Variants in B4GALNT3 observed in about 807,000 individuals in gnomAD.
The protein encoded by B4GALNT3 is beta-1,4-N-acetylgalactosaminyltransferase 3.
A neutral mutation model predicts 120.2 loss-of-function variants in B4GALNT3; 86 were observed. The ratio of observed to expected loss-of-function variants is 0.72; its 90% CI spans 0.60 to 0.86. B4GALNT3 has a LOEUF of 0.86. Ranked by LOEUF, B4GALNT3 falls within the 40% of genes least tolerant of loss-of-function variation. The pLI is 0.00. For missense variants in B4GALNT3, 1,167 were observed against 1,298.9 expected (o/e 0.90, Z 1.56); for synonymous variants, 518 against 510.4 (o/e 1.01, Z -0.20).
At chr12:552,645 C>G in intron 13 of B4GALNT3, 117 bp downstream of exon 13, 1 of 921,362 alleles carries the variant, frequency 1.1e-6, no homozygotes, top group Non-Finnish European at 1.7e-6. Flanking sequence ...ATCCAAATCA[C>G]GTGACCTCTC....
intron 1 of B4GALNT3, among the ~76,000 whole-genome samples, chr12:487,580 G>A (rs1946301455): frequency 6.6e-6 from 1 of 152,132 alleles, no homozygotes; most frequent in African/African-American, 2.4e-5. Flanking sequence ...CGGTGTAGTG[G>A]CGCATGCCTG....
chr12:477,467 A>C (rs953899545), intron 1 of B4GALNT3, among the ~76,000 whole-genome samples: 2 of 152,182 alleles, frequency 1.3e-5, no homozygotes, highest in Non-Finnish European at 2.9e-5. Context: ...CCTGCAAAGA[A>C]GTTATTGTTG....
At chr12:531,027 A>C (rs189040543) in intron 1 of B4GALNT3, among the ~76,000 whole-genome samples, 10 of 152,296 alleles carry the variant, frequency 6.6e-5, no homozygotes, top group Admixed American at 6.5e-4. Flanking sequence ...TCTGGCTAGG[A>C]GCAGGAGGAG....
chr12:561,247 C>T (rs950378422), intron 19 of B4GALNT3, 96 bp from the exon 20 acceptor site: 40 of 893,040 alleles, frequency 4.5e-5, no homozygotes, highest in African/African-American at 2.6e-4. Context: ...TTCCCTGCCC[C>T]GTGGGGAGCG....
At chr12:490,640 G>C (rs1399021197) in intron 1 of B4GALNT3, among the ~76,000 whole-genome samples, 1 of 152,004 alleles carries the variant, frequency 6.6e-6, no homozygotes, top group Non-Finnish European at 1.5e-5. Flanking sequence ...TGAGGCTGGA[G>C]GATCATTTGA....
At chr12:492,949 T>C (rs1411904577) in intron 1 of B4GALNT3, among the ~76,000 whole-genome samples, 1 of 150,500 alleles carries the variant, frequency 6.6e-6, no homozygotes, top group Admixed American at 6.6e-5. Flanking sequence ...AAAAATCAAC[T>C]CAAAGACCTA....
At chr12:534,364 C>T (rs548477012) in intron 1 of B4GALNT3, among the ~76,000 whole-genome samples, 1 of 152,124 alleles carries the variant, frequency 6.6e-6, no homozygotes, top group African/African-American at 2.4e-5. Context: ...TCCCAGCCCT[C>T]GGGAGTGTCA....
intron 1 of B4GALNT3, among the ~76,000 whole-genome samples, chr12:487,280 A>G (rs1040380049): frequency 1.3e-5 from 2 of 152,258 alleles, no homozygotes; most frequent in African/African-American, 4.8e-5. Context: ...AGCAACTGAC[A>G]GTTTTCCCCA....
At chr12:553,169 G>T in intron 13 of B4GALNT3, 25 bp from the exon 14 acceptor site, 1 of 1,604,390 alleles carries the variant, frequency 6.2e-7, no homozygotes, top group South Asian at 1.1e-5. Context: ...CTCTTGACAT[G>T]AGGAATGGTT....
intron 1 of B4GALNT3, among the ~76,000 whole-genome samples, chr12:505,472 GCCATTTGAACCCTGAT>G (rs1485496352): frequency 2.0e-5 from 3 of 152,210 alleles, no homozygotes; most frequent in African/African-American, 7.2e-5. Flanking sequence ...CGTCTGCCCA[GCCATTTGAACCCTGAT>G]CCATCTTGGA....
At chr12:507,722 C>G (rs534728488) in intron 1 of B4GALNT3, among the ~76,000 whole-genome samples, 8 of 152,354 alleles carry the variant, frequency 5.3e-5, no homozygotes, top group Admixed American at 2.0e-4. Context: ...AAGAAAAGCA[C>G]TAGGTAGCAG....
intron 1 of B4GALNT3, among the ~76,000 whole-genome samples, chr12:481,757 C>T (rs1946245607): frequency 6.6e-6 from 1 of 152,166 alleles, no homozygotes; most frequent in African/African-American, 2.4e-5. Context: ...GAGCCCTGGA[C>T]ACAGCGCTCC....
chr12:516,777 G>A (rs1027110771), intron 1 of B4GALNT3, among the ~76,000 whole-genome samples: 3 of 152,286 alleles, frequency 2.0e-5, no homozygotes, highest in South Asian at 4.1e-4. Context: ...AGTTCCTCTG[G>A]CTACTAGACC....
rs1192011440 is a variant in B4GALNT3, at chr12:492,740, C to G, written c.169+32195C>G. Among the ~76,000 whole-genome samples, 4 of 152,056 alleles carry G rather than the reference C, an allele frequency of 2.6e-5. No individual in the cohort carries two copies. The East Asian group carries it at 7.7e-4, about 29-fold the overall frequency. ...GTACGGAGCTACAGTAATGAAGACA[C>G]TGTTATATTGGCAAAAGAATGGATA... On this transcript the variant is annotated intron_variant, in intron 1 of 19. Transcript: ENST00000266383.
rs1946100066 is a variant in B4GALNT3, at chr12:468,161, A to C, written c.169+7616A>C. Among the ~76,000 whole-genome samples, 3 of 152,210 alleles carry C rather than the reference A, an allele frequency of 2.0e-5. No individual in the cohort carries two copies. The South Asian group carries it at 6.2e-4, about 32-fold the overall frequency. On this transcript the variant is annotated intron_variant, in intron 1 of 19. Coordinates refer to ENST00000266383, the MANE Select transcript of B4GALNT3 (RefSeq NM_173593.4). ...AATCAAGGCATAAAATAAATCAACA[A>C]AAGTGCTATGGTATACATACAAATA...
intron 1 of B4GALNT3, among the ~76,000 whole-genome samples, chr12:511,292 GACCTTCCACCTTCC>G (rs111691445): frequency 3.1e-5 from 1 of 32,212 alleles, no homozygotes; most frequent in African/African-American, 2.4e-4. Context: ...TTCCACCTTC[GACCTTCCACCTTCC>G]ACCTTCCGCC....
intron 1 of B4GALNT3, among the ~76,000 whole-genome samples, chr12:534,618 G>A (rs371017077): frequency 6.6e-6 from 1 of 152,164 alleles, no homozygotes; most frequent in East Asian, 1.9e-4. Flanking sequence ...CTCTGATCTT[G>A]TATCTCCAGT....
rs117422639 is a variant in B4GALNT3 at position 550,611 on chromosome 12, C to T, written c.998-311C>T. Among the ~76,000 whole-genome samples the T allele has an allele frequency of 3.9e-5, 6 of 152,322 alleles. No homozygotes were observed. Among genetic ancestry groups the T allele is most frequent in the East Asian group, 3.9e-4 (2 of 5,192 alleles). ...AGGAAATCCAGTTATCGGTACTGTA[C>T]GAGGGAGGGGACCTTCTGGCCTCTT... On this transcript the variant is annotated intron_variant, in intron 10 of 19. Transcript: ENST00000266383. This position sits in a 1 kb window ranked among gnomAD's most constrained non-coding sequence, Gnocchi z 4.1.
chr12:543,266 C>T (rs1946940917), intron 3 of B4GALNT3: 1 of 1,193,182 alleles, frequency 8.4e-7, no homozygotes, highest in Non-Finnish European at 1.1e-6. Flanking sequence ...CGGACCCGCA[C>T]AGTGAGAGGA....
Sources: allele counts gnomAD v4.1 joint callset (sites outside exome capture counted in the v4.1 genomes callset), GRCh38; gene constraint gnomAD v4.1.1; non-coding constraint Gnocchi (gnomAD v3.1); transcripts MANE v1.5; gene names NCBI Gene and HGNC (gene_info 2026-07-23, HGNC 2026-07-21).